Variants in MYO16 observed in about 807,000 individuals in gnomAD.
The protein encoded by MYO16 is unconventional myosin-XVI.
In MYO16, 94 loss-of-function variants were observed where a neutral mutation model predicts 205.3. The observed-to-expected ratio is 0.46, with a 90% CI of 0.39 to 0.54. MYO16 has a LOEUF of 0.54. Ranked by LOEUF, MYO16 falls within the 20% of genes least tolerant of loss-of-function variation. The pLI is 0.00. For synonymous variants in MYO16, 988 were observed against 954.0 expected, an observed-to-expected ratio of 1.04 and a Z score of -0.66; for missense variants, 2,315 against 2,387.5, an observed-to-expected ratio of 0.97 and a Z score of 0.63.
Position 108,924,712 on chromosome 13 carries a change from C to CT in MYO16, c.1925+14563dup, listed in dbSNP as rs1275615860. Among the ~76,000 whole-genome samples the CT allele has an allele frequency of 1.1e-4, 16 of 152,242 alleles. No homozygotes were observed. The South Asian group carries it at 3.1e-3, about 30-fold the overall frequency. ...TACAAAGGAAGACAGTGGCAGTTGC[C>CT]TGTGCACACCCACAGGGGTCTTCCC... On this transcript the variant is annotated intron_variant, in intron 16 of 34. Coordinates refer to ENST00000457511, the MANE Select transcript of MYO16 (RefSeq NM_001198950.3).
chr13:108,601,630 T>C (rs1017478130), intron 1 of MYO16, among the ~76,000 whole-genome samples: 2 of 152,108 alleles, frequency 1.3e-5, no homozygotes, highest in Admixed American at 6.6e-5. Flanking sequence ...AGTTATAAGA[T>C]AATCCTAGGG....
At chr13:108,861,687 C>A (rs1878455781) in intron 11 of MYO16, among the ~76,000 whole-genome samples, 1 of 152,050 alleles carries the variant, frequency 6.6e-6, no homozygotes, top group Admixed American at 6.6e-5. Context: ...TTTCTAATTT[C>A]TATTTCTCTG....
chr13:109,021,059 C>A (rs926129999), intron 23 of MYO16, among the ~76,000 whole-genome samples: 1 of 151,794 alleles, frequency 6.6e-6, no homozygotes, highest in South Asian at 2.1e-4. Context: ...CAAACCCAGA[C>A]CTTCAAAGGT....
intron 13 of MYO16, among the ~76,000 whole-genome samples, chr13:108,886,806 T>C (rs964331946): frequency 1.3e-5 from 2 of 152,108 alleles, no homozygotes; most frequent in African/African-American, 4.8e-5. Context: ...ACTGTCTGCC[T>C]GAAGCAAGCT....
intron 9 of MYO16, among the ~76,000 whole-genome samples, chr13:108,825,527 C>T (rs9587701): frequency 0.021 from 3,200 of 151,902 alleles, 107 homozygotes; most frequent in African/African-American, 0.072. Context: ...TCTGCTGTCA[C>T]CAGCTCAGTT....
At position 109,050,801 on chromosome 13, in the gene MYO16, G is replaced by C. The variant is rs184537427; in HGVS notation, c.2873-1499G>C. Among the ~76,000 whole-genome samples, 337 of 151,678 alleles carry C rather than the reference G, an allele frequency of 2.2e-3. 2 individuals are homozygous for C. In the Middle Eastern group the frequency reaches 0.038, roughly 17 times the overall value. On this transcript the variant is annotated intron_variant, in intron 24 of 34. Transcript: ENST00000457511. ...GATTATACTGATGCTAAAATTGTTT[G>C]AGACTTGACCAGTAAGAACCCCTTC...
the MYO16 span, among the ~76,000 whole-genome samples, chr13:108,538,858 A>G: frequency 6.6e-6 from 1 of 152,110 alleles, no homozygotes; most frequent in African/African-American, 2.4e-5. Context: ...CACCAGTTGC[A>G]AACTTGGATC....
At chr13:109,134,575 T>C (rs1178710908) in intron 31 of MYO16, among the ~76,000 whole-genome samples, 16 of 152,332 alleles carry the variant, frequency 1.1e-4, no homozygotes, top group Admixed American at 9.8e-4. Context: ...CTGTGACTCC[T>C]TGGGTGTCTC....
chr13:108,498,166 C>T, the MYO16 span, among the ~76,000 whole-genome samples: 1 of 152,166 alleles, frequency 6.6e-6, no homozygotes, highest in Non-Finnish European at 1.5e-5. Flanking sequence ...TGTGTTTGCC[C>T]TTTCCGGATC....
intron 1 of MYO16, among the ~76,000 whole-genome samples, chr13:108,597,525 G>A (rs1292051789): frequency 6.6e-6 from 1 of 152,096 alleles, no homozygotes; most frequent in African/African-American, 2.4e-5. Context: ...ATATATACAT[G>A]TAACTTTTAG....
intron 1 of MYO16, among the ~76,000 whole-genome samples, chr13:108,658,957 TTAAAAATCTTGA>T (rs1186352650): frequency 3.9e-5 from 6 of 152,088 alleles, no homozygotes; most frequent in African/African-American, 1.2e-4. Context: ...AGAGATTTGC[TTAAAAATCTTGA>T]ACACTGAGAG....
chr13:108,842,584 A>T (rs1215774573), intron 9 of MYO16, among the ~76,000 whole-genome samples: 3 of 152,212 alleles, frequency 2.0e-5, no homozygotes, highest in Non-Finnish European at 4.4e-5. Flanking sequence ...GAAGACAATT[A>T]TCAAAAAGAC....
chr13:109,102,068 CT>C (rs1049605698), intron 28 of MYO16: 2 of 151,960 alleles, frequency 1.3e-5, no homozygotes, highest in Admixed American at 6.6e-5. Flanking sequence ...GCCACCCAAT[CT>C]TTTTCTTTGT....
chr13:108,630,079 A>C (rs1879907271), intron 1 of MYO16, among the ~76,000 whole-genome samples: 1 of 152,092 alleles, frequency 6.6e-6, no homozygotes, highest in Non-Finnish European at 1.5e-5. Flanking sequence ...CCAAATGCTA[A>C]TAGCACAGAG....
intron 12 of MYO16, among the ~76,000 whole-genome samples, chr13:108,873,837 C>A (rs573897128): frequency 1.1e-4 from 16 of 152,284 alleles, no homozygotes; most frequent in South Asian, 6.2e-4. Context: ...GATTGTGCTG[C>A]CTATTTATGT....
chr13:108,540,960 T>C, the MYO16 span, among the ~76,000 whole-genome samples: 1 of 152,172 alleles, frequency 6.6e-6, no homozygotes, highest in Non-Finnish European at 1.5e-5. Flanking sequence ...TTGATCAGAA[T>C]GCACATGCGA....
At chr13:108,757,785 T>A (rs1235061155) in intron 4 of MYO16, among the ~76,000 whole-genome samples, 1 of 152,204 alleles carries the variant, frequency 6.6e-6, no homozygotes, top group South Asian at 2.1e-4. Context: ...TTTGATTATT[T>A]TTCAGTGTTT....
intron 2 of MYO16, among the ~76,000 whole-genome samples, chr13:108,679,173 T>C (rs1882354550): frequency 6.6e-6 from 1 of 152,170 alleles, no homozygotes; most frequent in African/African-American, 2.4e-5. Context: ...GGGGTCTTTG[T>C]ACTTGCTGAC....
chr13:109,015,496 T>G (rs1566462138), intron 22 of MYO16, among the ~76,000 whole-genome samples: 1 of 152,212 alleles, frequency 6.6e-6, no homozygotes, highest in Non-Finnish European at 1.5e-5. Flanking sequence ...TATGGTGGAT[T>G]CCCTCTTTTT....
Sources: allele counts gnomAD v4.1 joint callset (sites outside exome capture counted in the v4.1 genomes callset), GRCh38; gene constraint gnomAD v4.1.1; transcripts MANE v1.5; gene names NCBI Gene and HGNC (gene_info 2026-07-23, HGNC 2026-07-21).